TRIM33: variants seen among roughly 807,000 people sequenced by gnomAD.
TRIM33 encodes the protein E3 ubiquitin-protein ligase TRIM33.
In TRIM33, 20 loss-of-function variants were observed where a neutral mutation model predicts 125.4. That is an observed-to-expected ratio of 0.16 (90% CI 0.11 to 0.23). The LOEUF (loss-of-function observed/expected upper bound fraction) is 0.23. TRIM33 is among the 10% of genes least tolerant of loss of function. The probability of loss-of-function intolerance (pLI) is 1.00; values close to 1 mark genes in which losing one functional copy is unlikely to be tolerated. For missense variants in TRIM33, 920 were observed against 1,411.4 expected (o/e 0.65, Z 5.58); for synonymous variants, 564 against 513.9 (o/e 1.10, Z -1.32).
At chr1:114,428,009 T>C in intron 6 of TRIM33, 115 bp from the exon 7 acceptor site, 1 of 1,053,344 alleles carries the variant, frequency 9.5e-7, no homozygotes, top group Non-Finnish European at 1.4e-6. Context: ...GCTAAGTGAA[T>C]AAGCTCCATG....
intron 11 of TRIM33, among the ~76,000 whole-genome samples, chr1:114,418,415 C>T (rs1653069043): frequency 6.6e-6 from 1 of 152,206 alleles, no homozygotes; most frequent in African/African-American, 2.4e-5. Context: ...TAGTCAACCT[C>T]CCTCTTCTTT....
chr1:114,451,840 C>T (rs185898101), intron 4 of TRIM33, among the ~76,000 whole-genome samples: 1 of 152,020 alleles, frequency 6.6e-6, no homozygotes, highest in Non-Finnish European at 1.5e-5. Context: ...TTTCACTATG[C>T]AGCAATTATT....
intron 1 of TRIM33, among the ~76,000 whole-genome samples, chr1:114,488,851 G>A: frequency 6.6e-6 from 1 of 152,142 alleles, no homozygotes; most frequent in East Asian, 1.9e-4. Flanking sequence ...AACATAGCAA[G>A]AACCCATCTC....
At chr1:114,492,631 T>C (rs1652139460) in intron 1 of TRIM33, among the ~76,000 whole-genome samples, 1 of 152,234 alleles carries the variant, frequency 6.6e-6, no homozygotes, top group Non-Finnish European at 1.5e-5. Context: ...TTTCTGTCTC[T>C]ATGAATGTGC....
At chr1:114,420,214 G>T (rs748423285) in intron 11 of TRIM33, among the ~76,000 whole-genome samples, 3 of 152,176 alleles carry the variant, frequency 2.0e-5, no homozygotes, top group African/African-American at 4.8e-5. Flanking sequence ...GGGGCAAAAG[G>T]CCTCACTCAA....
chr1:114,433,770 A>AT, intron 4 of TRIM33, 37 bp from the exon 5 acceptor site: 4 of 1,260,328 alleles, frequency 3.2e-6, no homozygotes, highest in Non-Finnish European at 4.6e-6. Flanking sequence ...AAAACAAAAC[A>AT]TTTATGATTA....
intron 1 of TRIM33, among the ~76,000 whole-genome samples, chr1:114,496,127 T>G (rs1255565801): frequency 1.3e-5 from 2 of 152,258 alleles, no homozygotes; most frequent in African/African-American, 4.8e-5. Flanking sequence ...GAAATGATTC[T>G]CAATACCTTA....
Position 114,511,120 on chromosome 1 carries a change from G to A in TRIM33, c.-44C>T, listed in dbSNP as rs1329026393. On this transcript the variant is annotated 5_prime_UTR_variant, in exon 1 of 20. Coordinates refer to ENST00000358465, the MANE Select transcript of TRIM33 (RefSeq NM_015906.4). ...GCCGGACCGCCCCGCGCCGCCCGCC[G>A]CCCGCGTCGCCGCCGCCGCCGCCCC... 5.4e-6 allele frequency: 6 copies of A among 1,119,154 alleles called. No individual in the cohort carries two copies. Among genetic ancestry groups the A allele is most frequent in the African/African-American group, 5.0e-5 (3 of 60,000 alleles). 69.3% of individuals were successfully genotyped at this position (1,119,154 alleles called of 1,614,324 possible).
intron 11 of TRIM33, among the ~76,000 whole-genome samples, chr1:114,420,950 T>C (rs913629052): frequency 6.6e-6 from 1 of 152,182 alleles, no homozygotes; most frequent in African/African-American, 2.4e-5. Context: ...TTATCCACAA[T>C]AGCCAAGATA....
At chr1:114,463,958 G>A (rs946674044) in intron 2 of TRIM33, among the ~76,000 whole-genome samples, 2 of 151,360 alleles carry the variant, frequency 1.3e-5, no homozygotes, top group Non-Finnish European at 2.9e-5. Context: ...TTGTAGAGAT[G>A]GAGTCTCACT....
chr1:114,456,027 G>A lies in TRIM33; in HGVS notation c.923+7077C>T, dbSNP rs562647816. ...TTGTTGAAGTCCTAACAGGTGTTAA[G>A]GTTAAATTGAAAGGTGACAGCTAAT... On this transcript the variant is annotated intron_variant, in intron 4 of 19. Transcript: ENST00000358465. Among the ~76,000 whole-genome samples the A allele has an allele frequency of 1.4e-3, 212 of 152,282 alleles. 2 individuals are homozygous for A. Among genetic ancestry groups the A allele is most frequent in the Admixed American group, 8.2e-3 (125 of 15,294 alleles).
At chr1:114,421,672 G>C (rs1198618914) in intron 10 of TRIM33, 36 bp from the exon 11 acceptor site, 1 of 1,593,374 alleles carries the variant, frequency 6.3e-7, no homozygotes, top group Non-Finnish European at 8.6e-7. Context: ...TACTTGATCT[G>C]CCAGAATCGC....
chr1:114,490,095 A>G (rs1356683252), intron 1 of TRIM33, among the ~76,000 whole-genome samples: 2 of 149,904 alleles, frequency 1.3e-5, no homozygotes, highest in Non-Finnish European at 3.0e-5. Flanking sequence ...AAAAAAAAAA[A>G]AAAAAAAAAG....
At chr1:114,429,090 A>G (rs1017678950) in intron 6 of TRIM33, among the ~76,000 whole-genome samples, 9 of 152,188 alleles carry the variant, frequency 5.9e-5, no homozygotes, top group African/African-American at 1.9e-4. Context: ...CTCTATTCAC[A>G]TGGGTCCTTT....
At chr1:114,401,502 T>C (rs771753212) in intron 16 of TRIM33, 39 bp from the exon 17 acceptor site, 1 of 1,557,108 alleles carries the variant, frequency 6.4e-7, no homozygotes, top group South Asian at 1.1e-5. Flanking sequence ...TGAAATATTT[T>C]TCTCCTAATA....
chr1:114,412,041 G>A (rs939069624), intron 11 of TRIM33, among the ~76,000 whole-genome samples: 1 of 151,358 alleles, frequency 6.6e-6, no homozygotes, highest in Non-Finnish European at 1.5e-5. Context: ...AATAATCAAC[G>A]AACATAAGAA....
chr1:114,428,867 T>C (rs983261460), intron 6 of TRIM33, among the ~76,000 whole-genome samples: 26 of 152,188 alleles, frequency 1.7e-4, no homozygotes, highest in African/African-American at 6.0e-4. Context: ...AGAGGCTTTT[T>C]TTTTTTTAAC....
rs193150373 is a variant in TRIM33, at chr1:114,453,976, T to G, written c.923+9128A>C. 2.0e-4 allele frequency among the ~76,000 whole-genome samples: 31 copies of G among 152,364 alleles called. No individual in the cohort carries two copies. The East Asian group carries it at 5.8e-3, about 28-fold the overall frequency. Reference sequence around the variant, plus strand: ...CTGTGCATCTTTCCCTTGGATGATTTTAATCTGTATCCTTTCACTGTAATA... The same window carrying G: ...CTGTGCATCTTTCCCTTGGATGATTGTAATCTGTATCCTTTCACTGTAATA... On this transcript the variant is annotated intron_variant, in intron 4 of 19. Coordinates refer to ENST00000358465, the MANE Select transcript of TRIM33 (RefSeq NM_015906.4).
chr1:114,470,003 G>A (rs990617133), intron 1 of TRIM33, among the ~76,000 whole-genome samples: 2 of 152,164 alleles, frequency 1.3e-5, no homozygotes, highest in African/African-American at 4.8e-5. Context: ...TATCACTTAA[G>A]AATGAAGCTG....
Sources: allele counts gnomAD v4.1 joint callset (sites outside exome capture counted in the v4.1 genomes callset), GRCh38; gene constraint gnomAD v4.1.1; transcripts MANE v1.5; gene names NCBI Gene and HGNC (gene_info 2026-07-23, HGNC 2026-07-21).